Variants in STXBP5L observed in about 807,000 individuals in gnomAD.
STXBP5L encodes syntaxin binding protein 5L, also known as syntaxin-binding protein 5-like.
In STXBP5L, 65 loss-of-function variants were observed where a neutral mutation model predicts 144.5. That is an observed-to-expected ratio of 0.45 (90% CI 0.37 to 0.55). The LOEUF (loss-of-function observed/expected upper bound fraction) is 0.55, where lower values mean the gene tolerates loss of function less well. Among genes scored for constraint, STXBP5L ranks in the 20% least tolerant of loss-of-function variants. STXBP5L has a pLI of 0.00. For missense variants in STXBP5L, 1,298 were observed against 1,405.5 expected, an observed-to-expected ratio of 0.92 and a Z score of 1.22; for synonymous variants, 505 against 469.6, an observed-to-expected ratio of 1.08 and a Z score of -0.97.
rs892175172 is a variant in STXBP5L, at chr3:121,091,249, G to C, written c.471-23676G>C. Among the ~76,000 whole-genome samples, 17 of 147,140 alleles carry C rather than the reference G, an allele frequency of 1.2e-4. 3 individuals carry two copies. The highest frequency in any genetic ancestry group is 4.4e-4 in the African/African-American group (17 of 38,774). On this transcript the variant is annotated intron_variant, in intron 5 of 26. Transcript: ENST00000471454. Reference sequence around the variant, plus strand: ...TGCCACAATAAGCATACATGTGCATGTGTCTTTATAGCAGCATGATTTATA... The same window carrying C: ...TGCCACAATAAGCATACATGTGCATCTGTCTTTATAGCAGCATGATTTATA...
chr3:121,208,172 T>C (rs1033677320), intron 10 of STXBP5L, among the ~76,000 whole-genome samples: 3 of 152,140 alleles, frequency 2.0e-5, no homozygotes, highest in Admixed American at 6.5e-5. Flanking sequence ...GATGAGTTCA[T>C]GTCCTTTGTA....
chr3:120,996,722 G>A (rs548151929), intron 3 of STXBP5L, among the ~76,000 whole-genome samples: 3 of 152,016 alleles, frequency 2.0e-5, no homozygotes, highest in Admixed American at 1.3e-4. Context: ...TTCTATCTGT[G>A]TCTGGAGTTT....
intron 20 of STXBP5L, 125 bp downstream of exon 20, chr3:121,318,665 A>T: frequency 1.7e-6 from 1 of 586,374 alleles, no homozygotes; most frequent in Non-Finnish European, 2.7e-6. Flanking sequence ...CATTCATTAA[A>T]TTTACTGTAA....
rs548855179 is a variant in STXBP5L at position 121,094,330 on chromosome 3, C to T, written c.471-20595C>T. Among the ~76,000 whole-genome samples the T allele has an allele frequency of 4.3e-3, 661 of 152,022 alleles. 2 individuals carry two copies. Among genetic ancestry groups the T allele is most frequent in the African/African-American group, 0.014 (600 of 41,448 alleles). ...GAGTCCAATTCCTGGGTATCCTTGTCGACTTTCTGTCTCGTTGATCTGTCT... is the reference window on the plus strand; with the variant it reads ...GAGTCCAATTCCTGGGTATCCTTGTTGACTTTCTGTCTCGTTGATCTGTCT... On this transcript the variant is annotated intron_variant, in intron 5 of 26. Coordinates refer to ENST00000471454, the MANE Select transcript of STXBP5L (RefSeq NM_001308330.2).
intron 5 of STXBP5L, among the ~76,000 whole-genome samples, chr3:121,101,114 A>G (rs951731687): frequency 4.2e-4 from 52 of 123,934 alleles, no homozygotes; most frequent in African/African-American, 1.8e-3. Flanking sequence ...CTGCCAAACA[A>G]AAAAAAAGCT....
chr3:120,960,490 C>G (rs564729440), intron 3 of STXBP5L, among the ~76,000 whole-genome samples: 1 of 152,238 alleles, frequency 6.6e-6, no homozygotes, highest in African/African-American at 2.4e-5. Context: ...TTCATAATAG[C>G]AAAGACTTGG....
chr3:121,328,468 G>A (rs983962523), intron 20 of STXBP5L, among the ~76,000 whole-genome samples: 1 of 152,174 alleles, frequency 6.6e-6, no homozygotes, highest in Non-Finnish European at 1.5e-5. Context: ...AGGCTTCACG[G>A]CTGGGCCTGG....
At chr3:121,285,467 C>A (rs183196958) in intron 19 of STXBP5L, among the ~76,000 whole-genome samples, 9 of 152,118 alleles carry the variant, frequency 5.9e-5, no homozygotes, top group Admixed American at 3.9e-4. Context: ...TCAGTTTTTG[C>A]ACACTCAATG....
At chr3:121,074,596 G>C (rs183181733) in intron 5 of STXBP5L, among the ~76,000 whole-genome samples, 1 of 152,258 alleles carries the variant, frequency 6.6e-6, no homozygotes, top group Admixed American at 6.5e-5. Flanking sequence ...CTTCCACCCA[G>C]ACCCCTGGCA....
intron 5 of STXBP5L, among the ~76,000 whole-genome samples, chr3:121,090,554 C>T (rs1247294506): frequency 2.0e-5 from 3 of 152,010 alleles, no homozygotes; most frequent in Non-Finnish European, 4.4e-5. Flanking sequence ...GGCTTTTGCT[C>T]CTGTGGAACA....
In STXBP5L at chr3:121,073,644, T is replaced by C. The variant is rs113517529; in HGVS notation, c.470+28109T>C. 2.5e-3 allele frequency among the ~76,000 whole-genome samples: 381 copies of C among 152,282 alleles called. 2 individuals are homozygous for C. Among genetic ancestry groups the C allele is most frequent in the African/African-American group, 8.6e-3 (358 of 41,552 alleles). On this transcript the variant is annotated intron_variant, in intron 5 of 26. Transcript: ENST00000471454. ...GGCAGTCCTAATGCTGGGGCCTGGA[T>C]CAAAGCCTTCTTGATGTCTTTGAAG...
chr3:121,238,853 TAA>T, intron 12 of STXBP5L, 116 bp from the exon 13 acceptor site: 2 of 1,078,076 alleles, frequency 1.9e-6, no homozygotes, highest in Non-Finnish European at 2.5e-6. Context: ...TTATGGTACT[TAA>T]AAAACAAGCA....
intron 19 of STXBP5L, among the ~76,000 whole-genome samples, chr3:121,303,174 C>T (rs1476089758): frequency 6.6e-6 from 1 of 152,042 alleles, no homozygotes; most frequent in Non-Finnish European, 1.5e-5. Flanking sequence ...TGAACTCAAA[C>T]AAATTTACAA....
At chr3:121,041,116 T>C (rs1457817426) in intron 3 of STXBP5L, among the ~76,000 whole-genome samples, 2 of 151,884 alleles carry the variant, frequency 1.3e-5, no homozygotes, top group Non-Finnish European at 2.9e-5. Flanking sequence ...CTCTTACTTA[T>C]ATGTTATGTA....
intron 3 of STXBP5L, among the ~76,000 whole-genome samples, chr3:121,033,616 G>A (rs9811402): frequency 0.1 from 14,919 of 149,584 alleles, 1,179 homozygotes; most frequent in Admixed American, 0.2. Flanking sequence ...AAATAAATTC[G>A]TGTGTTTTTT....
chr3:121,282,155 T>C, intron 19 of STXBP5L: 2 of 779,244 alleles, frequency 2.6e-6, no homozygotes, highest in Non-Finnish European at 4.1e-6. Context: ...CTGCAATTTC[T>C]TCATCTTGGC....
At chr3:121,303,254 A>G (rs1326373766) in intron 19 of STXBP5L, among the ~76,000 whole-genome samples, 13 of 152,194 alleles carry the variant, frequency 8.5e-5, no homozygotes, top group Admixed American at 1.3e-4. Context: ...AGACATTTAC[A>G]CAGCCAAAAG....
intron 3 of STXBP5L, among the ~76,000 whole-genome samples, chr3:121,002,400 G>A (rs1000570724): frequency 6.6e-6 from 1 of 151,658 alleles, no homozygotes; most frequent in Admixed American, 6.6e-5. Context: ...AAAATTTGAG[G>A]GTTTTTTTTG....
chr3:121,344,030 G>A (rs2044843856), intron 20 of STXBP5L, among the ~76,000 whole-genome samples: 1 of 152,012 alleles, frequency 6.6e-6, no homozygotes, highest in Non-Finnish European at 1.5e-5. Context: ...AAAACAGCAT[G>A]GTACTGGTAC....
Sources: gnomAD v4.1 joint callset for allele counts (sites outside exome capture counted in the v4.1 genomes callset) on GRCh38, gnomAD v4.1.1 for gene constraint, MANE v1.5 for transcripts, NCBI Gene and HGNC (gene_info 2026-07-23, HGNC 2026-07-21) for gene names.